TMEM108: variants seen among roughly 807,000 people sequenced by gnomAD.
TMEM108 encodes cancer/testis antigen 124.
In TMEM108, 12 loss-of-function variants were observed where a neutral mutation model predicts 35.1. That is an observed-to-expected ratio of 0.34 (90% CI 0.22 to 0.55). The LOEUF (loss-of-function observed/expected upper bound fraction) is 0.55, where lower values mean the gene tolerates loss of function less well. Among genes scored for constraint, TMEM108 ranks in the 20% least tolerant of loss-of-function variants. The pLI is 0.89. For missense variants in TMEM108, 680 were observed against 753.3 expected (o/e 0.90, Z 1.14); for synonymous variants, 287 against 308.6 (o/e 0.93, Z 0.73).
intron 2 of TMEM108, among the ~76,000 whole-genome samples, chr3:133,173,080 G>A (rs1945154473): frequency 6.6e-6 from 1 of 152,146 alleles, no homozygotes; most frequent in Non-Finnish European, 1.5e-5. Flanking sequence ...TCAGCAGCAT[G>A]AGAACAGACT....
chr3:133,253,149 A>G (rs755660700), intron 3 of TMEM108, among the ~76,000 whole-genome samples: 8 of 152,212 alleles, frequency 5.3e-5, no homozygotes, highest in Non-Finnish European at 1.0e-4. Flanking sequence ...TCCCTCAAGT[A>G]TACCAAGGGT....
chr3:133,150,342 G>GTTGTT (rs1553740653), intron 2 of TMEM108, among the ~76,000 whole-genome samples: 1 of 109,708 alleles, frequency 9.1e-6, no homozygotes, highest in African/African-American at 3.7e-5. Context: ...AGGTTATTTG[G>GTTGTT]TTTTTTTTTT....
intron 2 of TMEM108, among the ~76,000 whole-genome samples, chr3:133,133,714 G>A (rs934008216): frequency 4.2e-5 from 6 of 144,188 alleles, no homozygotes; most frequent in Admixed American, 1.4e-4. Context: ...TTTTTTAGAC[G>A]GAGTCTCGCT....
chr3:133,123,385 G>A (rs975474778), intron 2 of TMEM108, among the ~76,000 whole-genome samples: 3 of 152,178 alleles, frequency 2.0e-5, no homozygotes, highest in Admixed American at 1.3e-4. Context: ...GAGGGTGTCC[G>A]TTTTTAGCAT....
rs2073302288 is a variant in TMEM108 at position 133,396,032 on chromosome 3, TTATAAA to T, written c.*51_*56del. ...CCATTCCGTATTTTTCGTCTCTAAA[TTATAAA>T]TATACAAATACATATATTATAAATA... On this transcript the variant is annotated 3_prime_UTR_variant, in exon 6 of 6. Coordinates refer to ENST00000321871, the MANE Select transcript of TMEM108 (RefSeq NM_023943.4). 7.0e-7 allele frequency: 1 copy of T among 1,423,876 alleles called. No homozygotes were observed. 88.2% of individuals were successfully genotyped at this position (1,423,876 alleles called of 1,614,324 possible). A position where few individuals can be genotyped will look rare whatever the true frequency, so the allele number is the denominator to read the frequency against.
At chr3:133,136,745 G>A (rs1944569682) in intron 2 of TMEM108, among the ~76,000 whole-genome samples, 1 of 152,204 alleles carries the variant, frequency 6.6e-6, no homozygotes, top group African/African-American at 2.4e-5. Flanking sequence ...AGAGGAAAGG[G>A]AGCTGGTCAG....
intron 3 of TMEM108, among the ~76,000 whole-genome samples, chr3:133,342,929 A>G (rs2107750666): frequency 6.6e-6 from 1 of 151,900 alleles, no homozygotes; most frequent in East Asian, 1.9e-4. Context: ...TTCCCAACAC[A>G]AAGAAATGAT....
At chr3:133,127,713 C>G (rs925015521) in intron 2 of TMEM108, among the ~76,000 whole-genome samples, 1 of 152,088 alleles carries the variant, frequency 6.6e-6, no homozygotes, top group African/African-American at 2.4e-5. Context: ...GGTTATAGGC[C>G]CCCTTTATCT....
chr3:133,123,653 T>A (rs768011768), intron 2 of TMEM108, among the ~76,000 whole-genome samples: 4 of 152,194 alleles, frequency 2.6e-5, no homozygotes, highest in East Asian at 1.9e-4. Context: ...AATAAAAAAA[T>A]GTCCTTGTTC....
intron 3 of TMEM108, among the ~76,000 whole-genome samples, chr3:133,378,053 A>G (rs551618796): frequency 2.2e-4 from 34 of 152,186 alleles, no homozygotes; most frequent in Non-Finnish European, 4.7e-4. Context: ...CAAGTGGAAG[A>G]CAATTTGTCC....
At chr3:133,144,738 C>CAT (rs1395372235) in intron 2 of TMEM108, among the ~76,000 whole-genome samples, 8 of 152,038 alleles carry the variant, frequency 5.3e-5, no homozygotes, top group Non-Finnish European at 8.8e-5. Context: ...AGCTTTTTTT[C>CAT]ATATTTGTTG....
At chr3:133,243,745 G>A (rs910235178) in intron 3 of TMEM108, among the ~76,000 whole-genome samples, 5 of 146,868 alleles carry the variant, frequency 3.4e-5, no homozygotes, top group African/African-American at 5.1e-5. Flanking sequence ...GGATGGTCTC[G>A]ATCTCCTGAC....
At chr3:133,249,319 G>C (rs1421979227) in intron 3 of TMEM108, among the ~76,000 whole-genome samples, 1 of 152,198 alleles carries the variant, frequency 6.6e-6, no homozygotes, top group Non-Finnish European at 1.5e-5. Flanking sequence ...GTGCAGTAAA[G>C]GGCAGAGAAT....
chr3:133,174,656 C>G (rs941856376), intron 2 of TMEM108, among the ~76,000 whole-genome samples: 1 of 152,086 alleles, frequency 6.6e-6, no homozygotes, highest in African/African-American at 2.4e-5. Context: ...GAAAGGACAT[C>G]CATGCCAAAA....
chr3:133,244,522 T>C (rs1946358139), intron 3 of TMEM108, among the ~76,000 whole-genome samples: 2 of 152,208 alleles, frequency 1.3e-5, no homozygotes, highest in South Asian at 2.1e-4. Context: ...AGAGATGTAA[T>C]TGAAGTTCGC....
At chr3:133,078,955 G>A (rs2369970) in intron 2 of TMEM108, among the ~76,000 whole-genome samples, 74,124 of 151,966 alleles carry the variant, frequency 0.49, 18,646 homozygotes, top group African/African-American at 0.62. Flanking sequence ...CTTAAAACAT[G>A]ATTGCTGCCT....
chr3:133,063,862 A>G (rs1943564586), intron 2 of TMEM108, among the ~76,000 whole-genome samples: 1 of 152,098 alleles, frequency 6.6e-6, no homozygotes, highest in South Asian at 2.1e-4. Flanking sequence ...CCAAGCATTC[A>G]TTACCCCTGT....
chr3:133,042,638 T>C (rs568561436), intron 1 of TMEM108, among the ~76,000 whole-genome samples: 5 of 152,284 alleles, frequency 3.3e-5, no homozygotes, highest in African/African-American at 1.2e-4. Context: ...CCCAGAAAAG[T>C]GGTTGTGCAT....
At chr3:133,296,032 T>C (rs1489900556) in intron 3 of TMEM108, among the ~76,000 whole-genome samples, 1 of 152,058 alleles carries the variant, frequency 6.6e-6, no homozygotes, top group Non-Finnish European at 1.5e-5. Flanking sequence ...TTGACTATTT[T>C]CCCCCCAAAA....
Sources: allele counts gnomAD v4.1 joint callset (sites outside exome capture counted in the v4.1 genomes callset), GRCh38; gene constraint gnomAD v4.1.1; transcripts MANE v1.5; gene names NCBI Gene and HGNC (gene_info 2026-07-23, HGNC 2026-07-21).